The following SUGCT variants were observed in gnomAD, a reference collection of about 807,000 sequenced individuals.
The protein encoded by SUGCT is succinyl-CoA:glutarate CoA-transferase.
In SUGCT, 41 loss-of-function variants were observed where a neutral mutation model predicts 55.0. That is an observed-to-expected ratio of 0.74 (90% CI 0.58 to 0.97). The LOEUF is 0.97. Among genes scored for constraint, SUGCT ranks in the 50% least tolerant of loss-of-function variants. The pLI, the probability that SUGCT is intolerant of heterozygous loss-of-function variation, is 0.00. For synonymous variants in SUGCT, 187 were observed against 200.4 expected, an observed-to-expected ratio of 0.93 and a Z score of 0.56; for missense variants, 568 against 547.8, an observed-to-expected ratio of 1.04 and a Z score of -0.37.
At chr7:40,508,415 G>A (rs947227099) in intron 12 of SUGCT, among the ~76,000 whole-genome samples, 1 of 152,186 alleles carries the variant, frequency 6.6e-6, no homozygotes, top group African/African-American at 2.4e-5. Flanking sequence ...TATGAGAAGT[G>A]AAAAACACAG....
At chr7:40,600,930 A>T (rs1427470273) in intron 12 of SUGCT, among the ~76,000 whole-genome samples, 1 of 152,176 alleles carries the variant, frequency 6.6e-6, no homozygotes, top group African/African-American at 2.4e-5. Flanking sequence ...TATGTTCAAC[A>T]CTATGTTCCA....
At chr7:40,228,764 G>T (rs1788540446) in intron 6 of SUGCT, among the ~76,000 whole-genome samples, 1 of 152,086 alleles carries the variant, frequency 6.6e-6, no homozygotes, top group African/African-American at 2.4e-5. Context: ...TTACCCTGAG[G>T]TATAGGCAGG....
intron 12 of SUGCT, among the ~76,000 whole-genome samples, chr7:40,611,368 A>G (rs184981363): frequency 7.1e-4 from 108 of 152,306 alleles, no homozygotes; most frequent in Admixed American, 2.1e-3. Flanking sequence ...TGACTCATTT[A>G]AAATAATACC....
At chr7:41,010,795 CAA>C in the SUGCT span, among the ~76,000 whole-genome samples, 1 of 151,542 alleles carries the variant, frequency 6.6e-6, no homozygotes, top group Admixed American at 6.6e-5. Context: ...AAGAGAAAAA[CAA>C]AGAAAAAAAA....
At chr7:40,304,048 C>CA (rs529987357) in intron 8 of SUGCT, among the ~76,000 whole-genome samples, 8,503 of 61,008 alleles carry the variant, frequency 0.14, 549 homozygotes, top group African/African-American at 0.28. Flanking sequence ...GACTCCATCT[C>CA]AAAAAAAAAA....
chr7:40,589,371 C>T (rs1797586260), intron 12 of SUGCT, among the ~76,000 whole-genome samples: 1 of 152,174 alleles, frequency 6.6e-6, no homozygotes, highest in South Asian at 2.1e-4. Context: ...AAGGCACCAG[C>T]ATCTTAGGGC....
chr7:40,294,664 T>A (rs1584600870), intron 8 of SUGCT, among the ~76,000 whole-genome samples: 1 of 152,000 alleles, frequency 6.6e-6, no homozygotes, highest in Non-Finnish European at 1.5e-5. Flanking sequence ...CTCCTGCCTC[T>A]GCCTCCCAAG....
At chr7:40,327,303 T>C (rs1796069675) in intron 9 of SUGCT, among the ~76,000 whole-genome samples, 1 of 152,116 alleles carries the variant, frequency 6.6e-6, no homozygotes, top group Non-Finnish European at 1.5e-5. Flanking sequence ...GGCCAGGAGG[T>C]TGCCACAGTC....
chr7:40,136,218 A>G (rs1483105333), intron 1 of SUGCT, among the ~76,000 whole-genome samples: 2 of 152,042 alleles, frequency 1.3e-5, no homozygotes, highest in Non-Finnish European at 2.9e-5. Context: ...GGCTGGTCTC[A>G]AATTCCTGGG....
At chr7:40,437,076 A>T (rs954562954) in intron 9 of SUGCT, among the ~76,000 whole-genome samples, 8 of 152,352 alleles carry the variant, frequency 5.3e-5, no homozygotes, top group Non-Finnish European at 5.9e-5. Context: ...TGTGCCCAAG[A>T]TACATGATAA....
chr7:40,622,510 C>T (rs1247355791), intron 12 of SUGCT, among the ~76,000 whole-genome samples: 6 of 147,818 alleles, frequency 4.1e-5, no homozygotes, highest in Admixed American at 3.4e-4. Flanking sequence ...CTTAACTGCC[C>T]TCATGTTTGT....
At chr7:41,037,547 AT>A in the SUGCT span, among the ~76,000 whole-genome samples, 2 of 151,110 alleles carry the variant, frequency 1.3e-5, no homozygotes, top group African/African-American at 4.9e-5. Flanking sequence ...AAATTATTGA[AT>A]TTACTGACAG....
intron 13 of SUGCT, among the ~76,000 whole-genome samples, chr7:40,828,980 C>T (rs1328511942): frequency 2.6e-5 from 4 of 152,070 alleles, no homozygotes; most frequent in East Asian, 1.9e-4. Context: ...TTCCGAGCAC[C>T]GATCATGACC....
At chr7:40,386,420 G>A (rs1785132160) in intron 9 of SUGCT, among the ~76,000 whole-genome samples, 1 of 152,124 alleles carries the variant, frequency 6.6e-6, no homozygotes, top group Admixed American at 6.5e-5. Flanking sequence ...TCCTGTGATG[G>A]TGCATAGAAC....
At chr7:40,723,459 C>T (rs1786455577) in intron 12 of SUGCT, among the ~76,000 whole-genome samples, 1 of 151,916 alleles carries the variant, frequency 6.6e-6, no homozygotes, top group Admixed American at 6.6e-5. Flanking sequence ...GCGTCTATTT[C>T]CAGAAATATA....
At chr7:40,987,942 TTC>T in the SUGCT span, among the ~76,000 whole-genome samples, 1 of 152,062 alleles carries the variant, frequency 6.6e-6, no homozygotes, top group African/African-American at 2.4e-5. Flanking sequence ...GTGAAACTTG[TTC>T]TCTTTCTCTC....
rs558494206 is a variant in SUGCT, at chr7:40,749,775, T to C, written c.1153+278T>C. On this transcript the variant is annotated intron_variant, in intron 13 of 13. Transcript: ENST00000335693. ...TTGTGTAATCACGTGCTCACAAAAG[T>C]ACATCATGTAATTATCAACAGGTTG... Among the ~76,000 whole-genome samples the C allele has an allele frequency of 7.2e-5, 11 of 152,320 alleles. No individual in the cohort carries two copies. The East Asian group carries it at 1.9e-3, about 27-fold the overall frequency.
chr7:40,293,012 G>A (rs543979902), intron 8 of SUGCT, among the ~76,000 whole-genome samples: 1 of 152,258 alleles, frequency 6.6e-6, no homozygotes, highest in South Asian at 2.1e-4. Context: ...GACAGGTTCA[G>A]AGCTGTATTT....
intron 1 of SUGCT, among the ~76,000 whole-genome samples, chr7:40,176,666 C>T (rs545742237): frequency 1.3e-4 from 20 of 150,978 alleles, no homozygotes; most frequent in Non-Finnish European, 2.2e-4. Flanking sequence ...AAGGCACTAT[C>T]GGTAGAGATA....
Sources: allele counts gnomAD v4.1 joint callset (sites outside exome capture counted in the v4.1 genomes callset), GRCh38; gene constraint gnomAD v4.1.1; transcripts MANE v1.5; gene names NCBI Gene and HGNC (gene_info 2026-07-23, HGNC 2026-07-21).